Variants in NPEPPS observed in about 807,000 individuals in gnomAD.
The protein encoded by NPEPPS is aminopeptidase puromycin sensitive.
In NPEPPS, 14 loss-of-function variants were observed where a neutral mutation model predicts 115.5. The observed-to-expected ratio is 0.12, with a 90% CI of 0.08 to 0.19. NPEPPS has a LOEUF of 0.19. Ranked by LOEUF, NPEPPS falls within the 10% of genes least tolerant of loss-of-function variation. The probability of loss-of-function intolerance (pLI) is 1.00; values close to 1 mark genes in which losing one functional copy is unlikely to be tolerated. For synonymous variants in NPEPPS, 285 were observed against 390.6 expected, an observed-to-expected ratio of 0.73 and a Z score of 3.19; for missense variants, 523 against 1,110.8, an observed-to-expected ratio of 0.47 and a Z score of 7.52.
intron 2 of NPEPPS, among the ~76,000 whole-genome samples, chr17:47,568,466 C>T (rs967830759): frequency 2.6e-5 from 4 of 151,916 alleles, no homozygotes; most frequent in Non-Finnish European, 5.9e-5. Flanking sequence ...CCACCGTGTC[C>T]GGCCTGATTG....
chr17:47,594,201 T>C (rs1280530515), intron 12 of NPEPPS, among the ~76,000 whole-genome samples: 3 of 152,140 alleles, frequency 2.0e-5, no homozygotes, highest in African/African-American at 4.8e-5. Flanking sequence ...GGACAACTTA[T>C]AGAGGTTGTT....
In NPEPPS at chr17:47,622,680, T is replaced by C. The variant is rs1914658359; in HGVS notation, c.*760T>C. 1 of 349,720 alleles carries C rather than the reference T, an allele frequency of 2.9e-6. No homozygotes were observed. Among genetic ancestry groups the C allele is most frequent in the Non-Finnish European group, 5.4e-6 (1 of 186,406 alleles). The allele number at this position is 349,720 out of a possible 1,614,324, so 21.7% of individuals were successfully genotyped here. On this transcript the variant is annotated 3_prime_UTR_variant, in exon 23 of 23. Coordinates refer to ENST00000322157, the MANE Select transcript of NPEPPS (RefSeq NM_006310.4). Reference sequence around the variant, plus strand: ...AGAAATAATAAGGAAACATCTTTCATAGCCACATTAAATAAGAGAAACTGA... The same window carrying C: ...AGAAATAATAAGGAAACATCTTTCACAGCCACATTAAATAAGAGAAACTGA...
rs560300499 is a variant in NPEPPS, at chr17:47,602,561, C to T, written c.1740+814C>T. Among the ~76,000 whole-genome samples, 6 of 151,238 alleles carry T rather than the reference C, an allele frequency of 4.0e-5. No homozygotes were observed. The East Asian group carries it at 9.7e-4, about 25-fold the overall frequency. ...GCTGAGGCAGGAGAATCGCTTGAAC[C>T]CAGGAGGCGGAGGTTGCAGTGAGCC... On this transcript the variant is annotated intron_variant, in intron 15 of 22. Transcript: ENST00000322157.
upstream of NPEPPS, among the ~76,000 whole-genome samples, chr17:47,530,906 T>C (rs1488692015): frequency 6.6e-6 from 1 of 151,428 alleles, no homozygotes; most frequent in Non-Finnish European, 1.5e-5. Flanking sequence ...CTCCTTCCAG[T>C]TGGAAGGCCG....
At chr17:47,526,440 T>C (rs1325813176), upstream of NPEPPS, among the ~76,000 whole-genome samples, 1 of 152,066 alleles carries the variant, frequency 6.6e-6, no homozygotes, top group Non-Finnish European at 1.5e-5. Flanking sequence ...TGAGCAATGG[T>C]AGAGAAGAGA....
In NPEPPS at chr17:47,590,709, G is replaced by A; in HGVS notation, c.1096-8G>A. On this transcript the variant is annotated splice_polypyrimidine_tract_variant and splice_region_variant and intron_variant, in intron 9 of 22. Transcript: ENST00000322157. Reference sequence around the variant, plus strand: ...TTTTCTTTAAGTATTTTCATCTTTTGTTTTTAGGAATGGTGGACTCATCTT... The same window carrying A: ...TTTTCTTTAAGTATTTTCATCTTTTATTTTTAGGAATGGTGGACTCATCTT... 2.5e-6 allele frequency: 4 copies of A among 1,609,200 alleles called. No homozygotes were observed. The highest frequency in any genetic ancestry group is 2.2e-5 in the East Asian group (1 of 44,810).
At chr17:47,594,396 T>C (rs965599483) in intron 12 of NPEPPS, among the ~76,000 whole-genome samples, 1 of 149,306 alleles carries the variant, frequency 6.7e-6, no homozygotes, top group Non-Finnish European at 1.5e-5. Context: ...TTTTAACTTT[T>C]TGATTCTTTT....
chr17:47,573,400 A>G (rs894880212), intron 3 of NPEPPS, among the ~76,000 whole-genome samples: 1 of 152,240 alleles, frequency 6.6e-6, no homozygotes, highest in Admixed American at 6.5e-5. Flanking sequence ...CTGATTTTCA[A>G]CCTAAGATTG....
chr17:47,527,649 G>A (rs1310695668), upstream of NPEPPS, among the ~76,000 whole-genome samples: 1 of 151,264 alleles, frequency 6.6e-6, no homozygotes, highest in African/African-American at 2.4e-5. Flanking sequence ...CCTGAGGTCA[G>A]GAGTTTGAGA....
chr17:47,615,934 T>C (rs1364185249), intron 19 of NPEPPS, among the ~76,000 whole-genome samples: 2 of 152,206 alleles, frequency 1.3e-5, no homozygotes, highest in Non-Finnish European at 2.9e-5. Context: ...GGTTGTCTTA[T>C]GATGGTAATT....
chr17:47,595,070 A>G (rs1487647941), intron 12 of NPEPPS, among the ~76,000 whole-genome samples: 1 of 152,084 alleles, frequency 6.6e-6, no homozygotes, highest in Admixed American at 6.6e-5. Context: ...AGCTGGGATT[A>G]CAGGTGTGTG....
chr17:47,578,065 C>T (rs1348141271), intron 3 of NPEPPS, among the ~76,000 whole-genome samples: 1 of 151,940 alleles, frequency 6.6e-6, no homozygotes, highest in Non-Finnish European at 1.5e-5. Context: ...ATTAGCCAGG[C>T]GTGGTGATGC....
chr17:47,528,135 G>C (rs1907514557), upstream of NPEPPS, among the ~76,000 whole-genome samples: 1 of 147,072 alleles, frequency 6.8e-6, no homozygotes, highest in South Asian at 2.2e-4. Context: ...AACTCCATCT[G>C]TACTAAAAAT....
intron 2 of NPEPPS, chr17:47,548,309 G>C (rs1909382609): frequency 6.6e-6 from 1 of 152,188 alleles, no homozygotes; most frequent in African/African-American, 2.4e-5. Flanking sequence ...GTGAGTGCCA[G>C]CTTTTAAAAA....
chr17:47,549,833 C>T (rs963920057), intron 2 of NPEPPS, among the ~76,000 whole-genome samples: 1 of 149,168 alleles, frequency 6.7e-6, no homozygotes. Flanking sequence ...TAGATTTGGC[C>T]TTCCACATGT....
intron 12 of NPEPPS, among the ~76,000 whole-genome samples, chr17:47,594,825 G>C (rs955546868): frequency 1.3e-5 from 2 of 152,010 alleles, no homozygotes; most frequent in Admixed American, 6.6e-5. Flanking sequence ...GTAGAGACAG[G>C]GTTTCACTGT....
At chr17:47,542,844 A>T (rs546410136) in intron 1 of NPEPPS, among the ~76,000 whole-genome samples, 3 of 152,284 alleles carry the variant, frequency 2.0e-5, no homozygotes, top group African/African-American at 7.2e-5. Context: ...ACTAAATTGA[A>T]AAATGCACAA....
At chr17:47,619,666 T>C (rs1468249961) in intron 21 of NPEPPS, 71 bp from the exon 22 acceptor site, 30 of 1,257,684 alleles carry the variant, frequency 2.4e-5, no homozygotes, top group Non-Finnish European at 2.1e-5. Context: ...GAATGATTTA[T>C]TTTTAGGGTA....
intron 9 of NPEPPS, among the ~76,000 whole-genome samples, chr17:47,589,786 C>T (rs1263246753): frequency 6.6e-6 from 1 of 152,164 alleles, no homozygotes; most frequent in Non-Finnish European, 1.5e-5. Flanking sequence ...TTTATATAAG[C>T]AGTACTCTTT....
Sources: allele counts gnomAD v4.1 joint callset (sites outside exome capture counted in the v4.1 genomes callset), GRCh38; gene constraint gnomAD v4.1.1; transcripts MANE v1.5; gene names NCBI Gene and HGNC (gene_info 2026-07-23, HGNC 2026-07-21).